DRAM1: variants seen among roughly 807,000 people sequenced by gnomAD.
DRAM1 encodes DNA damage-regulated autophagy modulator protein 1.
Under a neutral mutation model 28.5 loss-of-function variants are expected in DRAM1, and 25 were observed. The ratio of observed to expected loss-of-function variants is 0.88; its 90% CI spans 0.64 to 1.23. The LOEUF (loss-of-function observed/expected upper bound fraction) is 1.23, where lower values mean the gene tolerates loss of function less well. DRAM1 is among the 50% of genes most tolerant of loss of function. The pLI, the probability that DRAM1 is intolerant of heterozygous loss-of-function variation, is 0.00. For synonymous variants in DRAM1, 113 were observed against 114.2 expected (o/e 0.99, Z 0.07); for missense variants, 249 against 299.2 (o/e 0.83, Z 1.24).
At chr12:101,898,210 A>G (rs149682234) in intron 2 of DRAM1, among the ~76,000 whole-genome samples, 1,927 of 151,952 alleles carry the variant, frequency 0.013, 39 homozygotes, top group African/African-American at 0.044. Flanking sequence ...TTTTGTAGAG[A>G]TGGGGTTTCA....
At chr12:101,904,789 A>T (rs574583633) in intron 3 of DRAM1, among the ~76,000 whole-genome samples, 2 of 152,074 alleles carry the variant, frequency 1.3e-5, no homozygotes, top group South Asian at 4.2e-4. Context: ...CTCTGTTGTT[A>T]TTACCTTTTA....
In DRAM1 at chr12:101,877,717, TCCA is replaced by T; in HGVS notation, c.-72_-70del. The T allele has an allele frequency of 8.1e-7, 1 of 1,227,486 alleles. No homozygotes were observed. Among genetic ancestry groups the T allele is most frequent in the South Asian group, 2.9e-5 (1 of 34,746 alleles). The allele number at this position is 1,227,486 out of a possible 1,614,324, so 76.0% of individuals were successfully genotyped here. On this transcript the variant is annotated 5_prime_UTR_variant, in exon 1 of 7. Coordinates refer to ENST00000258534, the MANE Select transcript of DRAM1 (RefSeq NM_018370.3). This position sits in a 1 kb window ranked among gnomAD's most constrained non-coding sequence, Gnocchi z 4.1. Reference sequence around the variant, plus strand: ...TGAGTGTACGCGCCCGGCCGCCGCCTCCAGGCAGCCCGGAGCAACCCGGCGCCC... The same window carrying T: ...TGAGTGTACGCGCCCGGCCGCCGCCTGGCAGCCCGGAGCAACCCGGCGCCC...
At chr12:101,917,554 C>CA (rs200131212) in intron 5 of DRAM1, among the ~76,000 whole-genome samples, 8,967 of 151,766 alleles carry the variant, frequency 0.059, 895 homozygotes, top group African/African-American at 0.21. Flanking sequence ...GGTGTAGTGG[C>CA]ACACACCTGT....
Position 101,915,163 on chromosome 12 carries a change from T to C in DRAM1, c.579+931T>C, listed in dbSNP as rs186502212. 4.6e-3 allele frequency among the ~76,000 whole-genome samples: 693 copies of C among 151,828 alleles called. 7 individuals carry two copies. Among genetic ancestry groups the C allele is most frequent in the African/African-American group, 0.016 (649 of 41,350 alleles). ...CCCGGCTACTTTTTTGTATTTTTAG[T>C]AGAGATGGGGTTTCACCGTATTAGC... On this transcript the variant is annotated intron_variant, in intron 5 of 6. Coordinates refer to ENST00000258534, the MANE Select transcript of DRAM1 (RefSeq NM_018370.3).
intron 1 of DRAM1, among the ~76,000 whole-genome samples, chr12:101,895,023 G>C (rs1873292862): frequency 6.6e-6 from 1 of 151,968 alleles, no homozygotes; most frequent in Non-Finnish European, 1.5e-5. Context: ...GCTGCCCAAG[G>C]TTATGAGCTG....
At chr12:101,915,372 C>T (rs1874198305) in intron 5 of DRAM1, among the ~76,000 whole-genome samples, 1 of 151,944 alleles carries the variant, frequency 6.6e-6, no homozygotes, top group South Asian at 2.1e-4. Flanking sequence ...TGAAAGGGAG[C>T]GTGGAATGTT....
intron 1 of DRAM1, among the ~76,000 whole-genome samples, chr12:101,880,802 C>G (rs564196293): frequency 1.3e-5 from 2 of 152,260 alleles, no homozygotes; most frequent in Admixed American, 1.3e-4. Context: ...AGGTGAACCA[C>G]TTATGAGATG....
At chr12:101,895,508 A>G (rs1873326458) in intron 1 of DRAM1, among the ~76,000 whole-genome samples, 1 of 150,162 alleles carries the variant, frequency 6.7e-6, no homozygotes, top group South Asian at 2.1e-4. Flanking sequence ...TTCTTGCAAT[A>G]CCAGTGACAT....
intron 3 of DRAM1, among the ~76,000 whole-genome samples, chr12:101,903,901 G>A (rs377681734): frequency 1.5e-4 from 21 of 144,138 alleles, no homozygotes; most frequent in South Asian, 1.3e-3. Context: ...CAGGGAGACC[G>A]TGCCTCTGGA....
chr12:101,905,271 T>C (rs1393167364), intron 3 of DRAM1, among the ~76,000 whole-genome samples: 1 of 152,188 alleles, frequency 6.6e-6, no homozygotes, highest in African/African-American at 2.4e-5. Flanking sequence ...ATTTATTTAT[T>C]TGTATTTGTA....
At chr12:101,909,226 A>C (rs573898686) in intron 4 of DRAM1, among the ~76,000 whole-genome samples, 5 of 148,428 alleles carry the variant, frequency 3.4e-5, no homozygotes, top group African/African-American at 1.3e-4. Context: ...ACACCATTGC[A>C]CTCCAGCCTG....
At chr12:101,882,855 T>G (rs867366274) in intron 1 of DRAM1, among the ~76,000 whole-genome samples, 58 of 117,180 alleles carry the variant, frequency 4.9e-4, no homozygotes, top group African/African-American at 1.8e-3. Flanking sequence ...TTTTTTTTTT[T>G]TGAAATTTAT....
chr12:101,881,162 C>T (rs185332026), intron 1 of DRAM1, among the ~76,000 whole-genome samples: 39 of 152,252 alleles, frequency 2.6e-4, no homozygotes, highest in Non-Finnish European at 3.5e-4. Context: ...TTCCTGTGAT[C>T]CCAGCTACTC....
At chr12:101,920,529 G>C (rs1348031797) in intron 6 of DRAM1, among the ~76,000 whole-genome samples, 1 of 152,180 alleles carries the variant, frequency 6.6e-6, no homozygotes, top group Non-Finnish European at 1.5e-5. Context: ...TCTGCTGTTT[G>C]ATGTTAATAG....
At chr12:101,887,589 G>A (rs1353244075) in intron 1 of DRAM1, among the ~76,000 whole-genome samples, 1 of 149,148 alleles carries the variant, frequency 6.7e-6, no homozygotes, top group Non-Finnish European at 1.5e-5. Flanking sequence ...GGAGTGCAGT[G>A]TTGCAATCTC....
intron 5 of DRAM1, among the ~76,000 whole-genome samples, chr12:101,917,712 C>G (rs75683502): frequency 0.055 from 8,218 of 148,644 alleles, 806 homozygotes; most frequent in African/African-American, 0.2. Flanking sequence ...AAAAAAAAAG[C>G]CTTCTTTAAA....
intron 4 of DRAM1, 140 bp from the exon 5 acceptor site, chr12:101,914,034 A>G (rs1874142178): frequency 2.2e-6 from 1 of 457,590 alleles, no homozygotes; most frequent in African/African-American, 2.0e-5. Context: ...TGTTGGTATT[A>G]ACATTTTAAT....
intron 1 of DRAM1, among the ~76,000 whole-genome samples, 169 bp downstream of exon 1, chr12:101,878,089 C>T (rs1872559820): frequency 6.6e-6 from 1 of 152,066 alleles, no homozygotes; most frequent in Non-Finnish European, 1.5e-5. Context: ...TTTAGGGAGG[C>T]AGCGGGTGCG....
intron 3 of DRAM1, among the ~76,000 whole-genome samples, chr12:101,902,385 T>C (rs1468929407): frequency 2.0e-5 from 3 of 152,144 alleles, no homozygotes; most frequent in Admixed American, 6.6e-5. Flanking sequence ...GAAGTCATCT[T>C]CCTAGAGCCT....
Sources: allele counts gnomAD v4.1 joint callset (sites outside exome capture counted in the v4.1 genomes callset), GRCh38; gene constraint gnomAD v4.1.1; non-coding constraint Gnocchi (gnomAD v3.1); transcripts MANE v1.5; gene names NCBI Gene and HGNC (gene_info 2026-07-23, HGNC 2026-07-21).